APPL2: variants seen among roughly 807,000 people sequenced by gnomAD.
The protein encoded by APPL2 is DCC-interacting protein 13-beta.
APPL2 carries 84 observed loss-of-function variants against 92.7 expected under a neutral mutation model. The observed-to-expected ratio is 0.91, with a 90% CI of 0.76 to 1.09. APPL2 has a LOEUF of 1.09. Ranked by LOEUF, APPL2 falls within the 50% of genes least tolerant of loss-of-function variation. APPL2 has a pLI of 0.00. For missense variants in APPL2, 736 were observed against 824.5 expected, an observed-to-expected ratio of 0.89 and a Z score of 1.31; for synonymous variants, 291 against 291.0, an observed-to-expected ratio of 1.00 and a Z score of 0.00.
Position 105,226,944 on chromosome 12 carries a change from C to T in APPL2, c.153+2181G>A, listed in dbSNP as rs552695014. ...CCTGGGCAACATAGTAGGACCTTAT[C>T]TCTACCAAAAATCAAAAAGAAAAAA... On this transcript the variant is annotated intron_variant, in intron 2 of 20. Coordinates refer to ENST00000258530, the MANE Select transcript of APPL2 (RefSeq NM_018171.5). 5.9e-5 allele frequency among the ~76,000 whole-genome samples: 9 copies of T among 152,032 alleles called. No homozygotes were observed. The South Asian group carries it at 1.9e-3, about 32-fold the overall frequency.
chr12:105,206,923 C>T, intron 8 of APPL2, 138 bp downstream of exon 8: 1 of 1,151,588 alleles, frequency 8.7e-7, no homozygotes, highest in Non-Finnish European at 1.2e-6. Flanking sequence ...TGTCCAAGTG[C>T]TGAATCCCAC....
intron 7 of APPL2, 33 bp from the exon 8 acceptor site, chr12:105,207,240 G>A (rs1888797939): frequency 6.2e-7 from 1 of 1,601,424 alleles, no homozygotes; most frequent in East Asian, 2.2e-5. Context: ...ACTTCAAGTT[G>A]TCTACTGTAC....
At chr12:105,223,135 A>G (rs1890235565) in intron 2 of APPL2, among the ~76,000 whole-genome samples, 1 of 152,180 alleles carries the variant, frequency 6.6e-6, no homozygotes, top group Admixed American at 6.5e-5. Flanking sequence ...TCTGAAGATG[A>G]GGAGGTGACG....
At chr12:105,198,272 TG>T in intron 10 of APPL2, among the ~76,000 whole-genome samples, 1 of 152,144 alleles carries the variant, frequency 6.6e-6, no homozygotes, top group Admixed American at 6.5e-5. Flanking sequence ...ACTGAACACC[TG>T]GAGAATCATT....
rs892602808 is a variant in APPL2, at chr12:105,205,400, TC to T, written c.622-1616del. Reference sequence around the variant, plus strand: ...GAATAATGACGGTGTGCTCTGCTGTTCCCCCAGAACTGGGGCTACATGTGTG... The same window carrying T: ...GAATAATGACGGTGTGCTCTGCTGTTCCCCAGAACTGGGGCTACATGTGTG... On this transcript the variant is annotated intron_variant, in intron 8 of 20. Coordinates refer to ENST00000258530, the MANE Select transcript of APPL2 (RefSeq NM_018171.5). 2.4e-4 allele frequency among the ~76,000 whole-genome samples: 37 copies of T among 152,168 alleles called. 1 individual carries two copies. Among genetic ancestry groups the T allele is most frequent in the African/African-American group, 8.4e-4 (35 of 41,428 alleles).
At chr12:105,234,347 A>C (rs954089558) in intron 1 of APPL2, among the ~76,000 whole-genome samples, 2 of 152,198 alleles carry the variant, frequency 1.3e-5, no homozygotes, top group African/African-American at 4.8e-5. Context: ...TACAGGGTGG[A>C]GATGAAGAGA....
intron 2 of APPL2, among the ~76,000 whole-genome samples, 172 bp from the exon 3 acceptor site, chr12:105,217,897 G>A (rs1889817753): frequency 6.6e-6 from 1 of 152,148 alleles, no homozygotes; most frequent in Admixed American, 6.5e-5. Flanking sequence ...GAGACCAGGA[G>A]TTTGAGACCA....
Position 105,177,486 on chromosome 12 carries a change from A to G in APPL2, c.1635-224T>C, listed in dbSNP as rs1448936970. On this transcript the variant is annotated intron_variant, in intron 17 of 20. Transcript: ENST00000258530. The stretch of plus-strand genomic sequence containing the variant: ...ACCTATAATGGAAGATTATATAGCA[A>G]GTAGAAGATTTAACTTCACAGGATT... 5.3e-6 allele frequency: 3 copies of G among 562,210 alleles called. No homozygotes were observed. In the East Asian group the frequency reaches 8.9e-5, roughly 17 times the overall value. The allele number at this position is 562,210 out of a possible 1,614,324, so 34.8% of individuals were successfully genotyped here.
intron 2 of APPL2, among the ~76,000 whole-genome samples, chr12:105,228,884 T>C (rs900901787): frequency 6.6e-6 from 1 of 152,010 alleles, no homozygotes; most frequent in Non-Finnish European, 1.5e-5. Context: ...AAAAAAAAAA[T>C]TAGGAGCAGT....
At chr12:105,175,987 C>T in intron 20 of APPL2, 48 bp downstream of exon 20, 1 of 1,492,728 alleles carries the variant, frequency 6.7e-7, no homozygotes, top group South Asian at 1.3e-5. Flanking sequence ...TATGTGTACA[C>T]AGATGTGTTT....
intron 5 of APPL2, among the ~76,000 whole-genome samples, chr12:105,209,984 G>A (rs189599044): frequency 5.1e-4 from 77 of 150,934 alleles, no homozygotes; most frequent in African/African-American, 1.6e-3. Context: ...TTTTTGAGAC[G>A]GAGTCTCGCT....
chr12:105,186,704 CATATATCATATCAT>C (rs1886744481), intron 17 of APPL2, among the ~76,000 whole-genome samples: 2 of 101,050 alleles, frequency 2.0e-5, no homozygotes, highest in African/African-American at 7.2e-5. Flanking sequence ...TATATCATAT[CATATATCATATCAT>C]ATATATATCA....
chr12:105,176,775 G>T, intron 19 of APPL2, 101 bp downstream of exon 19: 1 of 1,440,036 alleles, frequency 6.9e-7, no homozygotes, highest in Non-Finnish European at 9.5e-7. Flanking sequence ...GAGACATGCA[G>T]AATAATCAAC....
intron 1 of APPL2, among the ~76,000 whole-genome samples, chr12:105,234,674 T>C (rs1302887182): frequency 6.6e-6 from 1 of 152,196 alleles, no homozygotes; most frequent in African/African-American, 2.4e-5. Flanking sequence ...AAAGTGATCA[T>C]TTAAAATCTC....
At chr12:105,234,550 CAGTT>C (rs549494379) in intron 1 of APPL2, among the ~76,000 whole-genome samples, 103 of 152,328 alleles carry the variant, frequency 6.8e-4, no homozygotes, top group Non-Finnish European at 1.0e-3. Flanking sequence ...CATCAAGAAT[CAGTT>C]AGTATAATCA....
chr12:105,219,098 A>G (rs1889911259), intron 2 of APPL2, among the ~76,000 whole-genome samples: 1 of 152,240 alleles, frequency 6.6e-6, no homozygotes, highest in South Asian at 2.1e-4. Flanking sequence ...ATGGGAGGAC[A>G]CTGGCCTACC....
At chr12:105,210,729 G>A (rs10861361) in intron 5 of APPL2, among the ~76,000 whole-genome samples, 27,292 of 151,988 alleles carry the variant, frequency 0.18, 2,628 homozygotes, top group East Asian at 0.25. Flanking sequence ...CCCATCCATC[G>A]TTCACAGCTG....
chr12:105,175,556 ATATC>A (rs1276809570), intron 20 of APPL2, among the ~76,000 whole-genome samples: 16 of 152,222 alleles, frequency 1.1e-4, no homozygotes, highest in Non-Finnish European at 1.6e-4. Flanking sequence ...GGCAGGGACT[ATATC>A]TGTCTTGTTC....
Position 105,195,518 on chromosome 12 carries a change from A to C in APPL2, c.1096-17T>G, listed in dbSNP as rs374828814. On this transcript the variant is annotated splice_polypyrimidine_tract_variant and intron_variant, in intron 12 of 20. Coordinates refer to ENST00000258530, the MANE Select transcript of APPL2 (RefSeq NM_018171.5). ...ACATATCCACTGTAGAGGACATTAA[A>C]AAAGAACACTGAATCCCAAAGTCAC... 1 of 1,614,260 alleles carries C rather than the reference A, an allele frequency of 6.2e-7. No individual in the cohort carries two copies.
Sources: gnomAD v4.1 joint callset for allele counts (sites outside exome capture counted in the v4.1 genomes callset) on GRCh38, gnomAD v4.1.1 for gene constraint, MANE v1.5 for transcripts, NCBI Gene and HGNC (gene_info 2026-07-23, HGNC 2026-07-21) for gene names.